BRINP3: variants seen among roughly 807,000 people sequenced by gnomAD.
BRINP3 encodes BMP/retinoic acid-inducible neural-specific protein 3.
Under a neutral mutation model 71.0 loss-of-function variants are expected in BRINP3, and 19 were observed. That is an observed-to-expected ratio of 0.27 (90% CI 0.19 to 0.39). The LOEUF is 0.39. BRINP3 is among the 10% of genes least tolerant of loss of function. The probability of loss-of-function intolerance (pLI) is 1.00; values close to 1 mark genes in which losing one functional copy is unlikely to be tolerated. For synonymous variants in BRINP3, 380 were observed against 337.7 expected, an observed-to-expected ratio of 1.13 and a Z score of -1.37; for missense variants, 959 against 940.8, an observed-to-expected ratio of 1.02 and a Z score of -0.25.
chr1:190,372,060 G>A (rs777639093), intron 2 of BRINP3, among the ~76,000 whole-genome samples: 6 of 152,136 alleles, frequency 3.9e-5, no homozygotes, highest in Non-Finnish European at 7.3e-5. Flanking sequence ...GTAGTCTTTA[G>A]CTTCAGAAAC....
intron 3 of BRINP3, among the ~76,000 whole-genome samples, chr1:190,269,492 C>A (rs1289523895): frequency 6.6e-6 from 1 of 152,048 alleles, no homozygotes; most frequent in Admixed American, 6.6e-5. Context: ...GGAATATTTA[C>A]AACTTATATA....
intron 3 of BRINP3, among the ~76,000 whole-genome samples, chr1:190,271,603 A>G (rs551324939): frequency 1.3e-5 from 2 of 151,590 alleles, no homozygotes; most frequent in Non-Finnish European, 3.0e-5. Context: ...CTACTTTTAC[A>G]AATTCTTTAA....
chr1:190,363,583 G>A (rs1248073501), intron 2 of BRINP3, among the ~76,000 whole-genome samples: 2 of 152,004 alleles, frequency 1.3e-5, no homozygotes, highest in African/African-American at 4.8e-5. Context: ...TATAAGGAGG[G>A]GCATAACAGG....
intron 2 of BRINP3, among the ~76,000 whole-genome samples, chr1:190,337,251 T>G (rs1322580359): frequency 6.6e-6 from 1 of 152,090 alleles, no homozygotes; most frequent in Non-Finnish European, 1.5e-5. Context: ...CAGTTCCCTA[T>G]GCTTTGTTAG....
intron 2 of BRINP3, among the ~76,000 whole-genome samples, chr1:190,298,598 C>T (rs528860455): frequency 3.9e-5 from 6 of 151,980 alleles, no homozygotes; most frequent in South Asian, 4.2e-4. Flanking sequence ...TAGTAAGTTT[C>T]GAAGTGTGTG....
At chr1:190,379,608 G>T (rs1670391324) in intron 2 of BRINP3, among the ~76,000 whole-genome samples, 1 of 152,102 alleles carries the variant, frequency 6.6e-6, no homozygotes, top group African/African-American at 2.4e-5. Flanking sequence ...AGGGCCTGAA[G>T]ATCAAGGTAG....
intron 6 of BRINP3, chr1:190,216,819 T>G (rs1174169637): frequency 6.6e-6 from 1 of 151,916 alleles, no homozygotes; most frequent in Non-Finnish European, 1.5e-5. Flanking sequence ...TATTGTGGAA[T>G]GCACTCTGAC....
intron 6 of BRINP3, among the ~76,000 whole-genome samples, chr1:190,203,762 T>A (rs1655229501): frequency 1.1e-3 from 1 of 944 alleles, no homozygotes; most frequent in Non-Finnish European, 1.9e-3. Context: ...TATATATATA[T>A]ATATATATAT....
intron 2 of BRINP3, chr1:190,302,838 T>A (rs1455795741): frequency 6.6e-6 from 1 of 151,914 alleles, no homozygotes; most frequent in Non-Finnish European, 1.5e-5. Context: ...TTTCACAGAA[T>A]ATAGAAAATA....
At chr1:190,412,205 G>A (rs561720233) in intron 2 of BRINP3, among the ~76,000 whole-genome samples, 1 of 151,878 alleles carries the variant, frequency 6.6e-6, no homozygotes, top group South Asian at 2.1e-4. Flanking sequence ...ATTGGGGAAG[G>A]GCTGTGGGAC....
At chr1:190,441,024 CT>C (rs1674780867) in intron 2 of BRINP3, among the ~76,000 whole-genome samples, 1 of 151,826 alleles carries the variant, frequency 6.6e-6, no homozygotes, top group Non-Finnish European at 1.5e-5. Context: ...CACTTATTTT[CT>C]CCTTAGATGG....
At chr1:190,287,798 A>G (rs564658208) in intron 2 of BRINP3, among the ~76,000 whole-genome samples, 7 of 152,252 alleles carry the variant, frequency 4.6e-5, no homozygotes, top group East Asian at 3.9e-4. Flanking sequence ...TTTTTAAAGG[A>G]TGGTCTGGTT....
intron 7 of BRINP3, among the ~76,000 whole-genome samples, chr1:190,114,949 A>G (rs1653003571): frequency 6.6e-6 from 1 of 152,122 alleles, no homozygotes; most frequent in East Asian, 1.9e-4. Context: ...CTTAGTGAGG[A>G]TTCTCATAGC....
intron 2 of BRINP3, among the ~76,000 whole-genome samples, chr1:190,359,776 C>T (rs565826720): frequency 1.3e-5 from 2 of 152,116 alleles, no homozygotes; most frequent in Non-Finnish European, 2.9e-5. Context: ...TAACCTTTTC[C>T]TTTAATTAAG....
At chr1:190,289,902 T>C (rs537646681) in intron 2 of BRINP3, among the ~76,000 whole-genome samples, 2 of 152,188 alleles carry the variant, frequency 1.3e-5, no homozygotes. Context: ...CTTTGATTCA[T>C]GTTTCATGTA....
At chr1:190,222,537 A>C (rs1262245923) in intron 6 of BRINP3, among the ~76,000 whole-genome samples, 1 of 151,956 alleles carries the variant, frequency 6.6e-6, no homozygotes, top group Non-Finnish European at 1.5e-5. Flanking sequence ...TAGAAGAAAT[A>C]ATAAAAATCA....
intron 4 of BRINP3, among the ~76,000 whole-genome samples, chr1:190,256,678 C>T (rs12063421): frequency 0.012 from 1,888 of 152,166 alleles, 54 homozygotes; most frequent in African/African-American, 0.044. Flanking sequence ...TAAGGCAGGC[C>T]TGGTGGTGAC....
intron 4 of BRINP3, among the ~76,000 whole-genome samples, chr1:190,252,163 T>C (rs1660207865): frequency 6.6e-6 from 1 of 151,968 alleles, no homozygotes; most frequent in African/African-American, 2.4e-5. Flanking sequence ...CAACAAATAT[T>C]TGTTGAGTGT....
intron 4 of BRINP3, among the ~76,000 whole-genome samples, chr1:190,262,806 TGA>T (rs1661301807): frequency 1.3e-5 from 2 of 152,176 alleles, no homozygotes; most frequent in African/African-American, 4.8e-5. Flanking sequence ...ATAGACTTAA[TGA>T]ATCATCATTA....
Sources: gnomAD v4.1 joint callset for allele counts (sites outside exome capture counted in the v4.1 genomes callset) on GRCh38, gnomAD v4.1.1 for gene constraint, MANE v1.5 for transcripts, NCBI Gene and HGNC (gene_info 2026-07-23, HGNC 2026-07-21) for gene names.